FLT1: variants seen among roughly 807,000 people sequenced by gnomAD.
FLT1 encodes vascular endothelial growth factor receptor 1.
FLT1 carries 49 observed loss-of-function variants against 156.3 expected under a neutral mutation model. The observed-to-expected ratio is 0.31, with a 90% CI of 0.25 to 0.40. FLT1 has a LOEUF of 0.40. Among genes scored for constraint, FLT1 ranks in the 10% least tolerant of loss-of-function variants. The pLI, the probability that FLT1 is intolerant of heterozygous loss-of-function variation, is 1.00. For synonymous variants in FLT1, 594 were observed against 583.8 expected, an observed-to-expected ratio of 1.02 and a Z score of -0.25; for missense variants, 1,322 against 1,637.2, an observed-to-expected ratio of 0.81 and a Z score of 3.32.
At chr13:28,349,093 A>G (rs1169932102) in intron 15 of FLT1, among the ~76,000 whole-genome samples, 1 of 152,180 alleles carries the variant, frequency 6.6e-6, no homozygotes, top group East Asian at 1.9e-4. Flanking sequence ...TGAGTGTGTT[A>G]TAAGTTCTGA....
At chr13:28,486,130 A>C (rs1437355239) in intron 1 of FLT1, among the ~76,000 whole-genome samples, 1 of 152,258 alleles carries the variant, frequency 6.6e-6, no homozygotes, top group African/African-American at 2.4e-5. Context: ...GTATTTGAAA[A>C]TAAAAGCACC....
intron 14 of FLT1, among the ~76,000 whole-genome samples, chr13:28,362,601 T>A (rs1179819248): frequency 6.6e-6 from 1 of 152,090 alleles, no homozygotes; most frequent in East Asian, 1.9e-4. Context: ...GGCAGATCGC[T>A]TGAGCCTAGG....
At chr13:28,415,587 T>C (rs1366126193) in intron 10 of FLT1, among the ~76,000 whole-genome samples, 1 of 152,232 alleles carries the variant, frequency 6.6e-6, no homozygotes, top group African/African-American at 2.4e-5. Flanking sequence ...AAGAATTAGA[T>C]GATTTAATTC....
intron 1 of FLT1, among the ~76,000 whole-genome samples, chr13:28,471,840 A>G (rs1880196330): frequency 1.3e-5 from 2 of 152,210 alleles, no homozygotes; most frequent in African/African-American, 4.8e-5. Flanking sequence ...GTCAATTACA[A>G]TATAATCATA....
At chr13:28,377,465 T>C (rs1162776420) in intron 14 of FLT1, among the ~76,000 whole-genome samples, 1 of 144,758 alleles carries the variant, frequency 6.9e-6, no homozygotes, top group Non-Finnish European at 1.6e-5. Flanking sequence ...ATTTGCCTTA[T>C]TCCATTTTTA....
Position 28,423,278 on chromosome 13 carries a change from C to T in FLT1, c.1436+3881G>A, listed in dbSNP as rs376644136. On this transcript the variant is annotated intron_variant, in intron 10 of 29. Coordinates refer to ENST00000282397, the MANE Select transcript of FLT1 (RefSeq NM_002019.4). ...CAGGCCACACGAACTGGGAGAATTA[C>T]TTCATTCCCTCATGACACCCTTCCA... Among the ~76,000 whole-genome samples, 14 of 152,296 alleles carry T rather than the reference C, an allele frequency of 9.2e-5. No homozygotes were observed. In the East Asian group the frequency reaches 1.7e-3, roughly 19 times the overall value.
chr13:28,311,814 T>C lies in FLT1; in HGVS notation c.3493-82A>G, dbSNP rs528850307. Reference sequence around the variant, plus strand: ...TGAACCATTATGTCAACTTTGACTATGTCATTTGCACAATCTTGGTTGTGT... The same window carrying C: ...TGAACCATTATGTCAACTTTGACTACGTCATTTGCACAATCTTGGTTGTGT... On this transcript the variant is annotated intron_variant, in intron 26 of 29. Coordinates refer to ENST00000282397, the MANE Select transcript of FLT1 (RefSeq NM_002019.4). 8 of 1,466,714 alleles carry C rather than the reference T, an allele frequency of 5.5e-6. No individual in the cohort carries two copies. In the South Asian group the frequency reaches 5.7e-5, roughly 10 times the overall value. 90.9% of individuals were successfully genotyped at this position (1,466,714 alleles called of 1,614,324 possible).
At chr13:28,467,162 T>C (rs1407548262) in intron 2 of FLT1, 33 bp from the exon 3 acceptor site, 1 of 1,528,598 alleles carries the variant, frequency 6.5e-7, no homozygotes, top group South Asian at 1.1e-5. Flanking sequence ...AAAACATATT[T>C]ATGGCTGGGC....
intron 10 of FLT1, among the ~76,000 whole-genome samples, chr13:28,407,386 T>TTTTA (rs939105724): frequency 2.6e-5 from 4 of 152,128 alleles, no homozygotes; most frequent in Non-Finnish European, 4.4e-5. Context: ...TTCTTCTGTA[T>TTTTA]TTTATTTATT....
At chr13:28,353,088 C>T (rs1872776888) in intron 15 of FLT1, among the ~76,000 whole-genome samples, 1 of 152,200 alleles carries the variant, frequency 6.6e-6, no homozygotes, top group Non-Finnish European at 1.5e-5. Context: ...GTTTGCAAAT[C>T]AGCCTCTAAT....
At position 28,301,226 on chromosome 13, in the gene FLT1, C is replaced by T. The variant is rs577929922; in HGVS notation, c.*1941G>A. ...GAGGTCTTCTTTTTTCTGTGTTTAA[C>T]CTCCTTCCAGTTACCTGATTTATAA... On this transcript the variant is annotated 3_prime_UTR_variant, in exon 30 of 30. Coordinates refer to ENST00000282397, the MANE Select transcript of FLT1 (RefSeq NM_002019.4). 46 of 230,514 alleles carry T rather than the reference C, an allele frequency of 2.0e-4. 2 individuals are homozygous for T. In the South Asian group the frequency reaches 2.9e-3, roughly 15 times the overall value. The allele number at this position is 230,514 out of a possible 1,614,324, so 14.3% of individuals were successfully genotyped here.
At chr13:28,329,581 G>A in intron 19 of FLT1, 34 bp downstream of exon 19, 1 of 1,425,964 alleles carries the variant, frequency 7.0e-7, no homozygotes, top group African/African-American at 1.4e-5. Flanking sequence ...CCTGTGCAGG[G>A]GGAGACGGAG....
intron 1 of FLT1, among the ~76,000 whole-genome samples, chr13:28,483,332 A>G (rs4768977): frequency 0.011 from 1,621 of 152,304 alleles, 67 homozygotes; most frequent in Admixed American, 0.064. Flanking sequence ...CTCTAATGCC[A>G]ACTTAGAGAA....
At chr13:28,489,340 C>T (rs1244568334) in intron 1 of FLT1, among the ~76,000 whole-genome samples, 1 of 152,166 alleles carries the variant, frequency 6.6e-6, no homozygotes, top group Non-Finnish European at 1.5e-5. Context: ...TTTACTCATT[C>T]GTTCCAACAC....
intron 3 of FLT1, among the ~76,000 whole-genome samples, chr13:28,438,838 A>G (rs552613113): frequency 3.5e-4 from 54 of 152,348 alleles, no homozygotes; most frequent in Admixed American, 9.8e-4. Context: ...TTTGAATGAC[A>G]GAAGCATGAC....
At chr13:28,462,298 T>C (rs1364850169) in intron 3 of FLT1, among the ~76,000 whole-genome samples, 3 of 152,202 alleles carry the variant, frequency 2.0e-5, no homozygotes, top group Non-Finnish European at 4.4e-5. Context: ...TGAAATCCTC[T>C]AACTGTGAGA....
chr13:28,494,652 G>A, intron 1 of FLT1, 128 bp downstream of exon 1: 1 of 707,094 alleles, frequency 1.4e-6, no homozygotes, highest in Non-Finnish European at 2.4e-6. Context: ...CCAGGTTCTC[G>A]CCGTAGCCAG....
chr13:28,379,671 G>T (rs9554325), intron 14 of FLT1, among the ~76,000 whole-genome samples: 2 of 151,988 alleles, frequency 1.3e-5, no homozygotes, highest in Non-Finnish European at 2.9e-5. Flanking sequence ...GGCCAAGATT[G>T]TCTCTTGCAA....
At chr13:28,476,748 A>T (rs190736743) in intron 1 of FLT1, among the ~76,000 whole-genome samples, 13 of 152,346 alleles carry the variant, frequency 8.5e-5, no homozygotes, top group Middle Eastern at 3.4e-3. Flanking sequence ...TCAAAAAATA[A>T]ATCAAGAAAT....
Sources: allele counts gnomAD v4.1 joint callset (sites outside exome capture counted in the v4.1 genomes callset), GRCh38; gene constraint gnomAD v4.1.1; transcripts MANE v1.5; gene names NCBI Gene and HGNC (gene_info 2026-07-23, HGNC 2026-07-21).